The following ALOX5 variants were observed in gnomAD, a reference collection of about 807,000 sequenced individuals.
ALOX5 encodes polyunsaturated fatty acid 5-lipoxygenase.
A neutral mutation model predicts 87.9 loss-of-function variants in ALOX5; 64 were observed. The observed-to-expected ratio is 0.73, with a 90% CI of 0.60 to 0.90. The LOEUF is 0.90. ALOX5 is among the 40% of genes least tolerant of loss of function. The pLI is 0.00. For synonymous variants in ALOX5, 388 were observed against 355.1 expected (o/e 1.09, Z -1.04); for missense variants, 822 against 907.5 (o/e 0.91, Z 1.21).
At chr10:45,427,351 G>GC (rs1218705457) in intron 6 of ALOX5, among the ~76,000 whole-genome samples, 1 of 152,186 alleles carries the variant, frequency 6.6e-6, no homozygotes, top group Non-Finnish European at 1.5e-5. Context: ...GTCTCCACCT[G>GC]CCCCCCTCAA....
At position 45,425,416 on chromosome 10, in the gene ALOX5, G is replaced by T. The variant is rs1841672074; in HGVS notation, c.834+284G>T. On this transcript the variant is annotated intron_variant, in intron 6 of 13. Coordinates refer to ENST00000374391, the MANE Select transcript of ALOX5 (RefSeq NM_000698.5). The surrounding 1 kb of genome is among the most constrained non-coding windows in gnomAD (Gnocchi z 4.4). ...TCACTATCAGTATCAATAATTACAG[G>T]AGCTACCCTTGATTAGGGGCCTGTG... 6.6e-6 allele frequency among the ~76,000 whole-genome samples: 1 copy of T among 152,208 alleles called. No individual in the cohort carries two copies. Among genetic ancestry groups the T allele is most frequent in the Admixed American group, 6.5e-5 (1 of 15,284 alleles).
At chr10:45,421,233 C>T (rs1841494969) in intron 4 of ALOX5, among the ~76,000 whole-genome samples, 1 of 152,252 alleles carries the variant, frequency 6.6e-6, no homozygotes, top group East Asian at 1.9e-4. Context: ...CCACTTCTTC[C>T]TACATCTGTG....
intron 10 of ALOX5, 29 bp from the exon 11 acceptor site, chr10:45,443,387 G>A (rs372612423): frequency 2.2e-5 from 35 of 1,594,320 alleles, no homozygotes; most frequent in Non-Finnish European, 2.6e-5. Flanking sequence ...TGGCTGGGTC[G>A]CCCACCCCGG....
chr10:45,375,567 ACAAATACAACCGGCAAGTT>A (rs1935896867), intron 1 of ALOX5, among the ~76,000 whole-genome samples: 1 of 152,236 alleles, frequency 6.6e-6, no homozygotes, highest in African/African-American at 2.4e-5. Context: ...CTCATAATGG[ACAAATACAACCGGCAAGTT>A]CATGTTTCAA....
chr10:45,411,719 T>C (rs1026705458), intron 3 of ALOX5, among the ~76,000 whole-genome samples: 2 of 152,198 alleles, frequency 1.3e-5, no homozygotes, highest in African/African-American at 2.4e-5. Flanking sequence ...AGAAGAACTG[T>C]CCCATTTCCC....
At chr10:45,400,061 C>G (rs559026496) in intron 3 of ALOX5, among the ~76,000 whole-genome samples, 1 of 152,280 alleles carries the variant, frequency 6.6e-6, no homozygotes, top group South Asian at 2.1e-4. Flanking sequence ...GATGCAGCCA[C>G]TTCAGAAAAC....
chr10:45,382,335 A>G (rs368204583), intron 1 of ALOX5, 148 bp from the exon 2 acceptor site: 2 of 750,082 alleles, frequency 2.7e-6, no homozygotes, highest in African/African-American at 3.5e-5. Context: ...ATGTCAGAGT[A>G]TCTTGCACCT....
chr10:45,443,675 G>C, intron 11 of ALOX5, 53 bp from the exon 12 acceptor site: 2 of 1,593,240 alleles, frequency 1.3e-6, no homozygotes, highest in Non-Finnish European at 1.7e-6. Context: ...GTGGGCGCCG[G>C]GCCCTGGGGT....
chr10:45,399,225 T>C (rs1422183067), intron 3 of ALOX5, among the ~76,000 whole-genome samples: 1 of 152,216 alleles, frequency 6.6e-6, no homozygotes, highest in African/African-American at 2.4e-5. Context: ...ATTCCTTTTA[T>C]ATGAAATTTC....
chr10:45,391,518 G>C (rs536855941), intron 2 of ALOX5, among the ~76,000 whole-genome samples: 1 of 151,650 alleles, frequency 6.6e-6, no homozygotes, highest in Admixed American at 6.6e-5. Context: ...CCGCCACCCC[G>C]TCTGGGAAGT....
intron 8 of ALOX5, among the ~76,000 whole-genome samples, chr10:45,440,929 C>T (rs1355928061): frequency 6.6e-6 from 1 of 152,214 alleles, no homozygotes; most frequent in African/African-American, 2.4e-5. Context: ...CTGATGGCCG[C>T]CCCTGCCATC....
intron 3 of ALOX5, among the ~76,000 whole-genome samples, chr10:45,405,884 G>C (rs184979202): frequency 2.6e-5 from 4 of 152,100 alleles, no homozygotes; most frequent in Non-Finnish European, 4.4e-5. Flanking sequence ...GGCTACAGGC[G>C]TGCGCCACCA....
chr10:45,428,867 A>C (rs1269697777), intron 7 of ALOX5, 103 bp downstream of exon 7: 3 of 1,468,788 alleles, frequency 2.0e-6, no homozygotes, highest in Non-Finnish European at 1.9e-6. Context: ...CTATGTCTTG[A>C]AAGACACTAG....
In ALOX5 at chr10:45,412,325, A is replaced by G. The variant is rs746778522; in HGVS notation, c.554+12A>G. On this transcript the variant is annotated intron_variant, in intron 4 of 13. Transcript: ENST00000374391. The stretch of plus-strand genomic sequence containing the variant: ...AATTACTCCAAAGCGTAAGTTTACG[A>G]GAACTGAGGGACTCTGGGCAGCCCC... The G allele has an allele frequency of 6.2e-7, 1 of 1,613,988 alleles. No individual in the cohort carries two copies. Among genetic ancestry groups the G allele is most frequent in the Non-Finnish European group, 8.5e-7 (1 of 1,179,872 alleles).
At chr10:45,399,097 C>T (rs1421608635) in intron 3 of ALOX5, among the ~76,000 whole-genome samples, 1 of 152,160 alleles carries the variant, frequency 6.6e-6, no homozygotes. Flanking sequence ...TATAGTATAT[C>T]TATATAATTT....
chr10:45,400,471 C>A (rs111841221), intron 3 of ALOX5, among the ~76,000 whole-genome samples: 124 of 152,134 alleles, frequency 8.2e-4, no homozygotes, highest in Non-Finnish European at 1.4e-3. Flanking sequence ...TGTTGGTGCA[C>A]GCCTGTAATC....
intron 2 of ALOX5, among the ~76,000 whole-genome samples, chr10:45,383,339 G>A (rs1197723021): frequency 1.3e-5 from 2 of 152,272 alleles, no homozygotes; most frequent in Admixed American, 1.3e-4. Flanking sequence ...ACCTGGTACA[G>A]AGCATCAGAG....
chr10:45,421,387 G>A (rs867547948), intron 4 of ALOX5, among the ~76,000 whole-genome samples: 43 of 152,330 alleles, frequency 2.8e-4, no homozygotes, highest in African/African-American at 7.2e-4. Context: ...GACCTCAGGT[G>A]CCCCAGCACA....
chr10:45,388,215 A>G (rs546211902), intron 2 of ALOX5, among the ~76,000 whole-genome samples: 30 of 152,368 alleles, frequency 2.0e-4, no homozygotes, highest in African/African-American at 6.7e-4. Context: ...GGTGGAGCCC[A>G]TCGCAGCTCA....
Sources: allele counts gnomAD v4.1 joint callset (sites outside exome capture counted in the v4.1 genomes callset), GRCh38; gene constraint gnomAD v4.1.1; non-coding constraint Gnocchi (gnomAD v3.1); transcripts MANE v1.5; gene names NCBI Gene and HGNC (gene_info 2026-07-23, HGNC 2026-07-21).